The following ARFGAP1 variants were observed in gnomAD, a reference collection of about 807,000 sequenced individuals.
The protein encoded by ARFGAP1 is ADP-ribosylation factor GTPase-activating protein 1.
A neutral mutation model predicts 54.0 loss-of-function variants in ARFGAP1; 26 were observed. That is an observed-to-expected ratio of 0.48 (90% CI 0.35 to 0.67). The LOEUF (loss-of-function observed/expected upper bound fraction) is 0.67. Ranked by LOEUF, ARFGAP1 falls within the 30% of genes least tolerant of loss-of-function variation. The pLI is 0.00. For missense variants in ARFGAP1, 525 were observed against 535.8 expected (o/e 0.98, Z 0.20); for synonymous variants, 248 against 211.9 (o/e 1.17, Z -1.48).
intron 11 of ARFGAP1, 35 bp from the exon 12 acceptor site, chr20:63,286,329 CAG>C (rs1258923395): frequency 3.1e-6 from 5 of 1,608,664 alleles, no homozygotes; most frequent in African/African-American, 1.3e-5. Flanking sequence ...TGTGCCGCGA[CAG>C]GGCCTGCCTA....
chr20:63,287,694 A>G lies in ARFGAP1; in HGVS notation c.1042A>G (p.Ser348Gly). 6.2e-7 allele frequency: 1 copy of G among 1,612,406 alleles called. No homozygotes were observed. Among genetic ancestry groups the G allele is most frequent in the Non-Finnish European group, 8.5e-7 (1 of 1,179,850 alleles). ...GACCCGCAAGTCCCCGAGCAGCGAC[A>G]GCTGGACGTGCGCGGACACCTCCAC... is the stretch of plus-strand genomic sequence containing the variant. ...TKTRKSPSSD[S>G]WTCADTSTER... is the part of the protein sequence containing the mutation. Residue 348 changes from serine (S) to glycine (G), a missense_variant, in exon 13 of 13, where the codon AGC becomes GGC. Transcript: ENST00000370283.
rs950743563 is a variant in ARFGAP1, at chr20:63,286,562, T to C, written c.911+120T>C. The stretch of plus-strand genomic sequence containing the variant: ...GGGAGGGAAGGGGCACTGTGGAGGC[T>C]CTCCGGGAGGTGGCTGGCATCCTTG... On this transcript the variant is annotated intron_variant, in intron 12 of 12. Coordinates refer to ENST00000370283, the MANE Select transcript of ARFGAP1 (RefSeq NM_018209.4). 7.1e-6 allele frequency: 7 copies of C among 990,548 alleles called. No individual in the cohort carries two copies. In the African/African-American group the frequency reaches 1.1e-4, roughly 16 times the overall value. 61.4% of individuals were successfully genotyped at this position (990,548 alleles called of 1,614,324 possible).
intron 8 of ARFGAP1, among the ~76,000 whole-genome samples, chr20:63,282,398 G>A (rs2067408473): frequency 6.6e-6 from 1 of 152,270 alleles, no homozygotes; most frequent in Non-Finnish European, 1.5e-5. Context: ...GGACTGTGCT[G>A]GGCATGGAGC....
rs749594707 is a variant in ARFGAP1, at chr20:63,276,209, C to T, written c.170+9C>T. 7 of 1,613,176 alleles carry T rather than the reference C, an allele frequency of 4.3e-6. No individual in the cohort carries two copies. Among genetic ancestry groups the T allele is most frequent in the African/African-American group, 4.0e-5 (3 of 74,940 alleles). Reference sequence around the variant, plus strand: ...CTTGGGGTTCACCTCAGGTCAGTGTCCTGCCGCTCTGGCTCTGCGGAGAGC... The same window carrying T: ...CTTGGGGTTCACCTCAGGTCAGTGTTCTGCCGCTCTGGCTCTGCGGAGAGC... On this transcript the variant is annotated intron_variant, in intron 3 of 12. Transcript: ENST00000370283. This position sits in a 1 kb window ranked among gnomAD's most constrained non-coding sequence, Gnocchi z 5.2.
chr20:63,283,642 G>A (rs2067444525), intron 9 of ARFGAP1: 3 of 521,548 alleles, frequency 5.8e-6, no homozygotes, highest in Non-Finnish European at 3.4e-6. Flanking sequence ...GCCTCCCAGG[G>A]TCCTGAGGTG....
At chr20:63,283,835 T>C (rs1032226927) in intron 9 of ARFGAP1, 1 of 1,613,616 alleles carries the variant, frequency 6.2e-7, no homozygotes, top group Non-Finnish European at 8.5e-7. Flanking sequence ...ACCTGTCTTC[T>C]TGCTGTCGGG....
chr20:63,284,196 C>T, intron 9 of ARFGAP1: 2 of 1,282,380 alleles, frequency 1.6e-6, no homozygotes, highest in Non-Finnish European at 2.0e-6. Context: ...AGGGCGGGGG[C>T]ACTGGGCGCA....
chr20:63,283,921 G>A (rs907501340), intron 9 of ARFGAP1: 9 of 1,610,416 alleles, frequency 5.6e-6, no homozygotes, highest in Middle Eastern at 1.7e-4. Context: ...CCGCATCTCC[G>A]CCGAGAATGT....
rs2067644293 is a variant in ARFGAP1, at chr20:63,289,066, A to G, written c.*1193A>G. On this transcript the variant is annotated 3_prime_UTR_variant, in exon 13 of 13. Transcript: ENST00000370283. ...TCAGCCACTTGCAGAACAGGATGGG[A>G]CCGAGATTTCAGCGAGCCCTCCTGG... The G allele has an allele frequency of 6.3e-6, 1 of 157,762 alleles. No homozygotes were observed. The highest frequency in any genetic ancestry group is 2.4e-5 in the African/African-American group (1 of 41,578). 9.8% of individuals were successfully genotyped at this position (157,762 alleles called of 1,614,324 possible).
Position 63,276,522 on chromosome 20 carries a change from G to A in ARFGAP1, c.213G>A (p.Glu71=), listed in dbSNP as rs749359612. ...SVTMDKWKDI[E]LEKMKAGGNA... The stretch of plus-strand genomic sequence containing the variant: ...CTATGGACAAGTGGAAGGACATTGA[G>A]CTTGAGAAGATGAAAGCTGGTGGGA... The change falls in exon 4 of 13, where the codon GAG becomes GAA. Residue 71 remains glutamate, a synonymous_variant. Coordinates refer to ENST00000370283, the MANE Select transcript of ARFGAP1 (RefSeq NM_018209.4). The surrounding 1 kb of genome is among the most constrained non-coding windows in gnomAD (Gnocchi z 5.2). 9 of 1,613,954 alleles carry A rather than the reference G, an allele frequency of 5.6e-6. No individual in the cohort carries two copies. Among genetic ancestry groups the A allele is most frequent in the Non-Finnish European group, 7.6e-6 (9 of 1,179,932 alleles).
intron 7 of ARFGAP1, among the ~76,000 whole-genome samples, chr20:63,280,916 G>T (rs1164040060): frequency 6.6e-6 from 1 of 152,224 alleles, no homozygotes; most frequent in Non-Finnish European, 1.5e-5. Flanking sequence ...AGCAGGTTAC[G>T]CTGGTCGTGA....
chr20:63,284,708 T>G (rs920207727), intron 9 of ARFGAP1, 158 bp from the exon 10 acceptor site: 7 of 1,465,878 alleles, frequency 4.8e-6, no homozygotes, highest in Non-Finnish European at 6.3e-6. Context: ...TCGGGTGTTG[T>G]GTGCAAAGCC....
intron 9 of ARFGAP1, 61 bp downstream of exon 9, chr20:63,282,912 C>A: frequency 6.3e-7 from 1 of 1,576,092 alleles, no homozygotes; most frequent in Non-Finnish European, 8.7e-7. Context: ...TCTGACGTCA[C>A]GTGCAGCACC....
At position 63,276,744 on chromosome 20, in the gene ARFGAP1, G is replaced by C. The variant is rs561894984; in HGVS notation, c.342+93G>C. 16 of 1,397,488 alleles carry C rather than the reference G, an allele frequency of 1.1e-5. No homozygotes were observed. Among genetic ancestry groups the C allele is most frequent in the Non-Finnish European group, 1.3e-5 (14 of 1,046,018 alleles). 86.6% of individuals were successfully genotyped at this position (1,397,488 alleles called of 1,614,324 possible). A position where few individuals can be genotyped will look rare whatever the true frequency, so the allele number is the denominator to read the frequency against. ...TGTGGCCTTTAGTGGTTCTGGAGTC[G>C]GTTCTTCTGCTGGTTCTGACACACC... On this transcript the variant is annotated intron_variant, in intron 4 of 12. Transcript: ENST00000370283. The surrounding 1 kb of genome is among the most constrained non-coding windows in gnomAD (Gnocchi z 5.2).
At position 63,283,747 on chromosome 20, in the gene ARFGAP1, C is replaced by G. The variant is rs943727275; in HGVS notation, c.717+896C>G. ...TTGCTGAGAGCCTGCCCGGTGCTGC[C>G]TTAGTGTTGCGGCACCCCATGGTGG... is the stretch of plus-strand genomic sequence containing the variant. On this transcript the variant is annotated intron_variant, in intron 9 of 12. Coordinates refer to ENST00000370283, the MANE Select transcript of ARFGAP1 (RefSeq NM_018209.4). The G allele has an allele frequency of 3.8e-6, 5 of 1,308,922 alleles. No homozygotes were observed. The African/African-American group carries it at 7.3e-5, about 19-fold the overall frequency. The allele number at this position is 1,308,922 out of a possible 1,614,324, so 81.1% of individuals were successfully genotyped here. A position where few individuals can be genotyped will look rare whatever the true frequency, so the allele number is the denominator to read the frequency against.
chr20:63,285,016 C>G, intron 10 of ARFGAP1, 94 bp downstream of exon 10: 1 of 1,467,930 alleles, frequency 6.8e-7, no homozygotes, highest in Non-Finnish European at 9.4e-7. Context: ...TGTCCAGCAG[C>G]TGGGACTCAG....
In ARFGAP1 at chr20:63,288,951, C is replaced by G. The variant is rs2067640953; in HGVS notation, c.*1078C>G. Reference sequence around the variant, plus strand: ...TCATCACTCTGGCCTTGGCCATGCTCCCTGGTCACCCCACTTCCCGGTCGC... The same window carrying G: ...TCATCACTCTGGCCTTGGCCATGCTGCCTGGTCACCCCACTTCCCGGTCGC... On this transcript the variant is annotated 3_prime_UTR_variant, in exon 13 of 13. Coordinates refer to ENST00000370283, the MANE Select transcript of ARFGAP1 (RefSeq NM_018209.4). 1 of 204,328 alleles carries G rather than the reference C, an allele frequency of 4.9e-6. No homozygotes were observed. The highest frequency in any genetic ancestry group is 5.2e-5 in the Admixed American group (1 of 19,052). 12.7% of individuals were successfully genotyped at this position (204,328 alleles called of 1,614,324 possible).
intron 11 of ARFGAP1, chr20:63,286,021 G>T (rs530519317): frequency 6.5e-7 from 1 of 1,544,968 alleles, no homozygotes; most frequent in Non-Finnish European, 8.7e-7. Context: ...ACTGCTCTGC[G>T]GGCCATTTGG....
At chr20:63,287,502 A>G (rs2067589796) in intron 12 of ARFGAP1, 62 bp from the exon 13 acceptor site, 1 of 1,476,526 alleles carries the variant, frequency 6.8e-7, no homozygotes, top group South Asian at 1.4e-5. Flanking sequence ...TCGGGGGCAC[A>G]GAATTCCCAG....
Sources: allele counts gnomAD v4.1 joint callset (sites outside exome capture counted in the v4.1 genomes callset), GRCh38; gene constraint gnomAD v4.1.1; non-coding constraint Gnocchi (gnomAD v3.1); transcripts MANE v1.5; gene names NCBI Gene and HGNC (gene_info 2026-07-23, HGNC 2026-07-21).